The following CACNB2 variants were observed in gnomAD, a reference collection of about 807,000 sequenced individuals.
CACNB2 encodes the protein calcium voltage-gated channel auxiliary subunit beta 2.
Under a neutral mutation model 73.3 loss-of-function variants are expected in CACNB2, and 42 were observed. The observed-to-expected ratio is 0.57, with a 90% CI of 0.45 to 0.74. The LOEUF (loss-of-function observed/expected upper bound fraction) is 0.74, where lower values mean the gene tolerates loss of function less well. CACNB2 is among the 30% of genes least tolerant of loss of function. CACNB2 has a pLI of 0.00. For synonymous variants in CACNB2, 348 were observed against 310.3 expected (o/e 1.12, Z -1.28); for missense variants, 940 against 853.0 (o/e 1.10, Z -1.27).
Position 18,539,475 on chromosome 10 carries a change from C to T in CACNB2, c.1734C>T (p.His578=), listed in dbSNP as rs1209281848. The T allele has an allele frequency of 6.2e-7, 1 of 1,614,014 alleles. No homozygotes were observed. Among genetic ancestry groups the T allele is most frequent in the Admixed American group, 1.7e-5 (1 of 60,008 alleles). Residue 578 remains histidine (H), a synonymous_variant, in exon 14 of 14, where the codon CAC becomes CAT. Transcript: ENST00000324631. ...CAAAGGAAGATTATTCCCATGACCACGTGGACCACTATGCCTCACACCGTG... is the reference window on the plus strand; with the variant it reads ...CAAAGGAAGATTATTCCCATGACCATGTGGACCACTATGCCTCACACCGTG... ...VEPKEDYSHD[H]VDHYASHRDH... is the part of the protein sequence containing the mutation.
At position 18,312,947 on chromosome 10, in the gene CACNB2, A is replaced by G. The variant is rs536702937; in HGVS notation, c.214-88977A>G. Among the ~76,000 whole-genome samples, 9 of 152,262 alleles carry G rather than the reference A, an allele frequency of 5.9e-5. No homozygotes were observed. In the South Asian group the frequency reaches 6.2e-4, roughly 11 times the overall value. ...AAGTGACTGCTGACCTCTAGAGGAT[A>G]CTCAATGCAATAAATGATTGTTTTT... On this transcript the variant is annotated intron_variant, in intron 2 of 13. Coordinates refer to ENST00000324631, the MANE Select transcript of CACNB2 (RefSeq NM_201596.3).
At chr10:18,450,707 C>T (rs984561493) in intron 3 of CACNB2, among the ~76,000 whole-genome samples, 1 of 150,866 alleles carries the variant, frequency 6.6e-6, no homozygotes, top group Non-Finnish European at 1.5e-5. Context: ...ACTGCAGTCG[C>T]CGCCCCCTGG....
chr10:18,446,020 G>C (rs750217443), intron 3 of CACNB2, among the ~76,000 whole-genome samples: 1 of 152,150 alleles, frequency 6.6e-6, no homozygotes, highest in Non-Finnish European at 1.5e-5. Context: ...GGTGACCAGA[G>C]TGAAGCTCCA....
At chr10:18,176,616 T>C (rs2033605319) in intron 2 of CACNB2, among the ~76,000 whole-genome samples, 1 of 150,424 alleles carries the variant, frequency 6.6e-6, no homozygotes, top group South Asian at 2.1e-4. Context: ...ACATTGAAAG[T>C]GATTGGAAGG....
chr10:18,326,657 G>C (rs576430631), intron 2 of CACNB2, among the ~76,000 whole-genome samples: 2 of 152,194 alleles, frequency 1.3e-5, no homozygotes, highest in Non-Finnish European at 2.9e-5. Flanking sequence ...GAATATGACA[G>C]TTTACCCCTC....
chr10:18,472,033 T>C (rs1038127290), intron 3 of CACNB2, among the ~76,000 whole-genome samples: 20 of 152,038 alleles, frequency 1.3e-4, no homozygotes, highest in Admixed American at 1.3e-3. Context: ...ATTACAGTCA[T>C]CTCTCTGGCT....
chr10:18,537,362 TAAACACTAA>T (rs1195015556), intron 12 of CACNB2, among the ~76,000 whole-genome samples: 2 of 152,190 alleles, frequency 1.3e-5, no homozygotes, highest in Admixed American at 6.5e-5. Flanking sequence ...AAATTTATAA[TAAACACTAA>T]AAAATCTTTT....
intron 3 of CACNB2, among the ~76,000 whole-genome samples, chr10:18,488,757 G>A (rs1188411614): frequency 6.6e-6 from 1 of 151,332 alleles, no homozygotes; most frequent in Non-Finnish European, 1.5e-5. Flanking sequence ...TAAATGTTGT[G>A]GAACTGCCAT....
At chr10:18,149,112 A>G (rs977513670) in intron 1 of CACNB2, among the ~76,000 whole-genome samples, 2 of 152,002 alleles carry the variant, frequency 1.3e-5, no homozygotes, top group African/African-American at 4.8e-5. Context: ...TTGTCGCTAC[A>G]CCCCCAAAGA....
At chr10:18,194,119 T>G (rs1006026162) in intron 2 of CACNB2, among the ~76,000 whole-genome samples, 26 of 152,136 alleles carry the variant, frequency 1.7e-4, no homozygotes, top group African/African-American at 6.0e-4. Context: ...CAGACAGAGA[T>G]GCCCCATGCC....
Position 18,307,983 on chromosome 10 carries a change from C to CATTTTTTTTTTTTT in CACNB2, c.214-93941_214-93940insATTTTTTTTTTTTT, listed in dbSNP as rs1356604464. On this transcript the variant is annotated intron_variant, in intron 2 of 13. Coordinates refer to ENST00000324631, the MANE Select transcript of CACNB2 (RefSeq NM_201596.3). Reference sequence around the variant, plus strand: ...TTAAGTCTAAAATAATATATGCCAACTTTTTTTTTTTTTTTTTTTTTTTTT... The same window carrying CATTTTTTTTTTTTT: ...TTAAGTCTAAAATAATATATGCCAACATTTTTTTTTTTTTTTTTTTTTTTTTTTTTTTTTTTTTT... 1.9e-4 allele frequency among the ~76,000 whole-genome samples: 13 copies of CATTTTTTTTTTTTT among 70,246 alleles called. 1 individual carries two copies. Among genetic ancestry groups the CATTTTTTTTTTTTT allele is most frequent in the African/African-American group, 5.4e-4 (9 of 16,764 alleles). The allele number at this position is 70,246 out of a possible 152,430, so 46.1% of individuals were successfully genotyped here.
At position 18,329,504 on chromosome 10, in the gene CACNB2, GAAAAAA is replaced by G. The variant is rs11413915; in HGVS notation, c.214-72407_214-72402del. Reference sequence around the variant, plus strand: ...AAATCACCTCTTACAAGTAAAAAAAGAAAAAAAAAAAAAAAAAAGCAGGATAAGAAG... The same window carrying G: ...AAATCACCTCTTACAAGTAAAAAAAGAAAAAAAAAAAAGCAGGATAAGAAG... On this transcript the variant is annotated intron_variant, in intron 2 of 13. Coordinates refer to ENST00000324631, the MANE Select transcript of CACNB2 (RefSeq NM_201596.3). Among the ~76,000 whole-genome samples the G allele has an allele frequency of 3.0e-4, 34 of 112,510 alleles. 1 individual carries two copies. The East Asian group carries it at 9.0e-3, about 30-fold the overall frequency. The allele number at this position is 112,510 out of a possible 152,430, so 73.8% of individuals were successfully genotyped here. A position where few individuals can be genotyped will look rare whatever the true frequency, so the allele number is the denominator to read the frequency against.
intron 2 of CACNB2, among the ~76,000 whole-genome samples, chr10:18,310,630 TAAAAA>T (rs760799280): frequency 1.0e-5 from 1 of 99,506 alleles, no homozygotes; most frequent in Admixed American, 1.0e-4. Context: ...AAAAAAAAAG[TAAAAA>T]AAAAAAGAAA....
Position 18,183,570 on chromosome 10 carries a change from AC to A in CACNB2, c.213+32599del, listed in dbSNP as rs551016154. 3.3e-5 allele frequency among the ~76,000 whole-genome samples: 5 copies of A among 152,074 alleles called. No individual in the cohort carries two copies. The South Asian group carries it at 1.0e-3, about 32-fold the overall frequency. On this transcript the variant is annotated intron_variant, in intron 2 of 13. Transcript: ENST00000324631. ...GGCAAGAGAGAGCTTGTACAGGGGAACCCCTCTTTATAAAACCATCAGATCT... is the reference window on the plus strand; with the variant it reads ...GGCAAGAGAGAGCTTGTACAGGGGAACCCTCTTTATAAAACCATCAGATCT...
chr10:18,348,922 C>A (rs979936635), intron 2 of CACNB2, among the ~76,000 whole-genome samples: 3 of 152,092 alleles, frequency 2.0e-5, no homozygotes, highest in Admixed American at 2.0e-4. Context: ...AGTTTGAGAC[C>A]AGCCTGGGCA....
At chr10:18,537,936 G>T (rs1424819729) in intron 12 of CACNB2, among the ~76,000 whole-genome samples, 1 of 152,042 alleles carries the variant, frequency 6.6e-6, no homozygotes, top group South Asian at 2.1e-4. Flanking sequence ...GGGTTGCCAT[G>T]TCCTTAACAA....
intron 2 of CACNB2, among the ~76,000 whole-genome samples, chr10:18,239,865 A>C (rs528400751): frequency 6.6e-6 from 1 of 152,150 alleles, no homozygotes; most frequent in African/African-American, 2.4e-5. Context: ...ATTTGTTTCA[A>C]ATAAGAGCTT....
chr10:18,253,546 C>T (rs1408828098), intron 2 of CACNB2, among the ~76,000 whole-genome samples: 3 of 152,050 alleles, frequency 2.0e-5, no homozygotes, highest in Non-Finnish European at 1.5e-5. Context: ...TATGAATAGC[C>T]TTTCTTGTCT....
At chr10:18,172,496 T>C (rs866101785) in intron 2 of CACNB2, among the ~76,000 whole-genome samples, 34 of 152,202 alleles carry the variant, frequency 2.2e-4, no homozygotes, top group African/African-American at 7.7e-4. Flanking sequence ...TGTTTTTTTG[T>C]AATTTTTTTT....
Sources: allele counts gnomAD v4.1 joint callset (sites outside exome capture counted in the v4.1 genomes callset), GRCh38; gene constraint gnomAD v4.1.1; transcripts MANE v1.5; gene names NCBI Gene and HGNC (gene_info 2026-07-23, HGNC 2026-07-21).